Variants in UBXN11 observed in about 807,000 individuals in gnomAD.
The protein encoded by UBXN11 is UBX domain-containing protein 11.
In UBXN11, 47 loss-of-function variants were observed where a neutral mutation model predicts 62.8. That is an observed-to-expected ratio of 0.75 (90% CI 0.59 to 0.95). The LOEUF is 0.95. UBXN11 is among the 40% of genes least tolerant of loss of function. UBXN11 has a pLI of 0.00. For missense variants in UBXN11, 638 were observed against 661.7 expected, an observed-to-expected ratio of 0.96 and a Z score of 0.39; for synonymous variants, 294 against 267.0, an observed-to-expected ratio of 1.10 and a Z score of -0.99.
At position 26,284,169 on chromosome 1, in the gene UBXN11, G is replaced by T. The variant is rs757186577; in HGVS notation, c.1050C>A (p.Ile350=). 2.5e-6 allele frequency: 4 copies of T among 1,612,576 alleles called. No homozygotes were observed. Among genetic ancestry groups the T allele is most frequent in the Non-Finnish European group, 3.4e-6 (4 of 1,179,194 alleles). Residue 350 remains isoleucine (I), a synonymous_variant, in exon 12 of 15, where the codon ATC becomes ATA. Coordinates refer to ENST00000374222, the MANE Select transcript of UBXN11 (RefSeq NM_001389556.1). ...GCAAGGTGTCCCTGATGGGGCCCCG[G>T]ATGTCAATCACCTCGCCTTGCCGGA... ...FVIRQGEVID[I]RGPIRDTLQN...
chr1:26,302,400 G>C (rs1193676666), intron 2 of UBXN11, among the ~76,000 whole-genome samples: 1 of 137,774 alleles, frequency 7.3e-6, no homozygotes, highest in African/African-American at 2.7e-5. Flanking sequence ...AAGACTCAAA[G>C]TGGTATTCCA....
At chr1:26,309,259 TGAGACA>T (rs2073715288), upstream of UBXN11, among the ~76,000 whole-genome samples, 2 of 141,194 alleles carry the variant, frequency 1.4e-5, no homozygotes, top group African/African-American at 2.7e-5. Flanking sequence ...TTTTTTTTTT[TGAGACA>T]GAGTCTCACT....
intron 9 of UBXN11, 61 bp downstream of exon 9, chr1:26,285,762 C>T: frequency 2.0e-6 from 3 of 1,533,068 alleles, no homozygotes; most frequent in Non-Finnish European, 2.6e-6. Context: ...GCTTCATCAT[C>T]CCCAACTAAC....
Position 26,301,128 on chromosome 1 carries a change from G to A in UBXN11, c.101-104C>T, listed in dbSNP as rs1189121280. 56 of 1,572,230 alleles carry A rather than the reference G, an allele frequency of 3.6e-5. No homozygotes were observed. In the East Asian group the frequency reaches 1.3e-3, roughly 35 times the overall value. On this transcript the variant is annotated intron_variant, in intron 3 of 14. Coordinates refer to ENST00000374222, the MANE Select transcript of UBXN11 (RefSeq NM_001389556.1). ...GACGCGGCCTATGCACTGTGCCCCA[G>A]GGAGTTTGAGGAGAGAGAATTCACA...
chr1:26,282,808 A>G lies in UBXN11; in HGVS notation c.1152-19T>C, dbSNP rs754740134. The stretch of plus-strand genomic sequence containing the variant: ...CTGGCTCCTGCACAGCCCAGAGGCC[A>G]TCAGCACGCGGTGACCCAACGCCCC... On this transcript the variant is annotated intron_variant, in intron 13 of 14. Coordinates refer to ENST00000374222, the MANE Select transcript of UBXN11 (RefSeq NM_001389556.1). 6 of 1,613,970 alleles carry G rather than the reference A, an allele frequency of 3.7e-6. No homozygotes were observed. The highest frequency in any genetic ancestry group is 1.3e-5 in the African/African-American group (1 of 74,928).
At position 26,304,721 on chromosome 1, in the gene UBXN11, C is replaced by T. The variant is rs1048060077; in HGVS notation, c.-35-1803G>A. ...TGAGCAGAGATTGCGCCATTGCACT[C>T]CAGCCTGGGTGACAGAGCAAGACTC... is the stretch of plus-strand genomic sequence containing the variant. On this transcript the variant is annotated intron_variant, in intron 1 of 14. Coordinates refer to ENST00000374222, the MANE Select transcript of UBXN11 (RefSeq NM_001389556.1). Among the ~76,000 whole-genome samples, 5 of 152,186 alleles carry T rather than the reference C, an allele frequency of 3.3e-5. No homozygotes were observed. In the South Asian group the frequency reaches 6.2e-4, roughly 19 times the overall value.
intron 7 of UBXN11, 95 bp downstream of exon 7, chr1:26,296,824 C>T: frequency 7.6e-7 from 1 of 1,317,582 alleles, no homozygotes; most frequent in South Asian, 1.4e-5. Flanking sequence ...AGGAGAGGCC[C>T]AGAGAGGTGG....
In UBXN11 at chr1:26,285,805, C is replaced by CCG. The variant is rs368748515; in HGVS notation, c.774+17_774+18insCG. 7.5e-4 allele frequency: 1,180 copies of CCG among 1,581,228 alleles called. 11 individuals carry two copies. In the African/African-American group the frequency reaches 0.015, roughly 19 times the overall value. ...AGCAGGGGCACTAGAGCACCACCCCCCCCAACACCGCTCCTACCTGTGTGG... is the reference window on the plus strand; with the variant it reads ...AGCAGGGGCACTAGAGCACCACCCCCCGCCCAACACCGCTCCTACCTGTGTGG... On this transcript the variant is annotated intron_variant, in intron 9 of 14. Transcript: ENST00000374222.
intron 10 of UBXN11, 169 bp from the exon 11 acceptor site, chr1:26,284,651 A>G (rs1364099555): frequency 1.4e-6 from 2 of 1,380,466 alleles, no homozygotes; most frequent in African/African-American, 3.0e-5. Context: ...TACTGCTGTC[A>G]TCTCCCTCAG....
chr1:26,301,811 C>T, intron 2 of UBXN11, 89 bp from the exon 3 acceptor site: 1 of 1,553,620 alleles, frequency 6.4e-7, no homozygotes, highest in Non-Finnish European at 8.8e-7. Flanking sequence ...CGGACTTCAG[C>T]CAAAGCTCAA....
intron 8 of UBXN11, 129 bp downstream of exon 8, chr1:26,294,076 G>A (rs898104823): frequency 5.4e-5 from 76 of 1,409,364 alleles, no homozygotes; most frequent in Non-Finnish European, 7.2e-5. Context: ...GGCAAGTTGT[G>A]GGCTCTCAGG....
intron 8 of UBXN11, among the ~76,000 whole-genome samples, chr1:26,290,120 T>G (rs1271724054): frequency 6.6e-6 from 1 of 152,238 alleles, no homozygotes; most frequent in Non-Finnish European, 1.5e-5. Flanking sequence ...CATGTGCAGA[T>G]GACTGTTCCA....
chr1:26,296,871 GC>G, intron 7 of UBXN11, 47 bp downstream of exon 7: 1 of 1,553,738 alleles, frequency 6.4e-7, no homozygotes, highest in East Asian at 2.4e-5. Flanking sequence ...GCCGTGAAGA[GC>G]TGGGGACTGC....
chr1:26,304,752 CA>C (rs1368961854), intron 1 of UBXN11, among the ~76,000 whole-genome samples: 1 of 151,374 alleles, frequency 6.6e-6, no homozygotes, highest in African/African-American at 2.4e-5. Flanking sequence ...GACTCCATCT[CA>C]AAAAAAAATT....
At chr1:26,314,632 G>A (rs1000438141) in intron 1 of UBXN11, among the ~76,000 whole-genome samples, 5 of 151,994 alleles carry the variant, frequency 3.3e-5, no homozygotes, top group Non-Finnish European at 5.9e-5. Context: ...ATGAATACAC[G>A]CACTCATTCT....
chr1:26,293,484 T>G (rs1054246256), intron 8 of UBXN11, among the ~76,000 whole-genome samples: 1 of 151,740 alleles, frequency 6.6e-6, no homozygotes, highest in Non-Finnish European at 1.5e-5. Flanking sequence ...TCCCAGCACT[T>G]TGGGAGGCCA....
chr1:26,311,214 A>C (rs1279665087), upstream of UBXN11, among the ~76,000 whole-genome samples: 1 of 147,666 alleles, frequency 6.8e-6, no homozygotes, highest in African/African-American at 2.5e-5. Context: ...ATCTCAGCTC[A>C]CTGCAAACTC....
chr1:26,283,008 G>A lies in UBXN11; in HGVS notation c.1078-71C>T, dbSNP rs532134085. ...GAGTCATCCCCACAAACCTTAGAGGGACACTTCCTTGACCAGGGACAGATG... is the reference window on the plus strand; with the variant it reads ...GAGTCATCCCCACAAACCTTAGAGGAACACTTCCTTGACCAGGGACAGATG... On this transcript the variant is annotated intron_variant, in intron 12 of 14. Transcript: ENST00000374222. 1.6e-4 allele frequency: 252 copies of A among 1,593,784 alleles called. 2 individuals carry two copies. In the Middle Eastern group the frequency reaches 2.7e-3, roughly 17 times the overall value.
At chr1:26,297,298 G>T in intron 6 of UBXN11, 129 bp downstream of exon 6, 1 of 1,154,882 alleles carries the variant, frequency 8.7e-7, no homozygotes, top group Non-Finnish European at 1.2e-6. Flanking sequence ...GGGCTCAGCT[G>T]TCCAGACCCC....
Sources: gnomAD v4.1 joint callset for allele counts (sites outside exome capture counted in the v4.1 genomes callset) on GRCh38, gnomAD v4.1.1 for gene constraint, MANE v1.5 for transcripts, NCBI Gene and HGNC (gene_info 2026-07-23, HGNC 2026-07-21) for gene names.